Variants in DNM3 observed in about 807,000 individuals in gnomAD.
The protein encoded by DNM3 is dynamin-3.
Under a neutral mutation model 101.6 loss-of-function variants are expected in DNM3, and 47 were observed. The ratio of observed to expected loss-of-function variants is 0.46; its 90% CI spans 0.37 to 0.59. DNM3 has a LOEUF of 0.59. Ranked by LOEUF, DNM3 falls within the 20% of genes least tolerant of loss-of-function variation. DNM3 has a pLI of 0.00. For synonymous variants in DNM3, 385 were observed against 387.9 expected (o/e 0.99, Z 0.09); for missense variants, 849 against 1,085.7 (o/e 0.78, Z 3.06).
At chr1:172,063,238 AATCTTGCCTGGTCTCTTGACCATTTTGAG>A (rs888169049) in intron 10 of DNM3, among the ~76,000 whole-genome samples, 2 of 152,190 alleles carry the variant, frequency 1.3e-5, no homozygotes, top group Non-Finnish European at 2.9e-5. Flanking sequence ...ATGATATGGA[AATCTTGCCTGGTCTCTTGACCATTTTGAG>A]AAAAATGTAC....
intron 19 of DNM3, among the ~76,000 whole-genome samples, chr1:172,387,735 C>T (rs2069277444): frequency 6.6e-6 from 1 of 151,150 alleles, no homozygotes; most frequent in Non-Finnish European, 1.5e-5. Flanking sequence ...TCTGAGAGTG[C>T]TTTCCTAAAC....
intron 13 of DNM3, among the ~76,000 whole-genome samples, chr1:172,119,096 G>A (rs1161955351): frequency 1.3e-5 from 2 of 151,550 alleles, no homozygotes; most frequent in South Asian, 2.1e-4. Context: ...GGGTTCAAGC[G>A]ATTCTTCTGC....
chr1:172,404,824 C>T (rs1379655580), intron 20 of DNM3, among the ~76,000 whole-genome samples: 2 of 152,060 alleles, frequency 1.3e-5, no homozygotes, highest in East Asian at 3.9e-4. Flanking sequence ...AATAAAGCTA[C>T]TTTCATATTT....
intron 14 of DNM3, among the ~76,000 whole-genome samples, chr1:172,225,178 C>T (rs565308768): frequency 6.0e-4 from 66 of 110,188 alleles, no homozygotes; most frequent in African/African-American, 2.1e-3. Flanking sequence ...CTTGCTGTGT[C>T]GCCAGGCTGG....
intron 14 of DNM3, among the ~76,000 whole-genome samples, chr1:172,174,405 T>C (rs1332342582): frequency 6.6e-6 from 1 of 151,634 alleles, no homozygotes; most frequent in Non-Finnish European, 1.5e-5. Flanking sequence ...TTGAAATAAA[T>C]TTGTCCATAA....
At chr1:172,340,709 CT>C (rs2066646981) in intron 17 of DNM3, among the ~76,000 whole-genome samples, 1 of 152,206 alleles carries the variant, frequency 6.6e-6, no homozygotes, top group African/African-American at 2.4e-5. Context: ...ATGGTGTTTT[CT>C]AGATAGACTA....
rs2043160299 is a variant in DNM3, at chr1:171,960,691, G to GGA, written c.236-26964_236-26963insAG. ...GGAGAGCAGTAAAGGATAAAGATAAGGGAGAAATAGGGAATGCTTGGTGGA... is the reference window on the plus strand; with the variant it reads ...GGAGAGCAGTAAAGGATAAAGATAAGGAGGAGAAATAGGGAATGCTTGGTGGA... On this transcript the variant is annotated intron_variant, in intron 2 of 20. Transcript: ENST00000627582. Among the ~76,000 whole-genome samples the GGA allele has an allele frequency of 2.0e-5, 3 of 152,216 alleles. No individual in the cohort carries two copies. The South Asian group carries it at 6.3e-4, about 32-fold the overall frequency.
At chr1:172,370,850 GA>G (rs978579524) in intron 17 of DNM3, among the ~76,000 whole-genome samples, 20 of 152,052 alleles carry the variant, frequency 1.3e-4, no homozygotes, top group African/African-American at 3.9e-4. Flanking sequence ...GAAGGCATTT[GA>G]AAACTGATGA....
intron 17 of DNM3, among the ~76,000 whole-genome samples, chr1:172,339,597 A>G (rs941585786): frequency 2.0e-5 from 3 of 152,188 alleles, no homozygotes; most frequent in Non-Finnish European, 2.9e-5. Flanking sequence ...ATCTTCCCCC[A>G]GCTTGGGGAT....
chr1:172,131,868 A>G, intron 14 of DNM3: 1 of 272,334 alleles, frequency 3.7e-6, no homozygotes, highest in South Asian at 3.3e-5. Context: ...TTCATGTTAG[A>G]TGTTAATAAT....
chr1:172,102,209 G>A (rs1384094759), intron 13 of DNM3, among the ~76,000 whole-genome samples: 1 of 152,010 alleles, frequency 6.6e-6, no homozygotes, highest in East Asian at 1.9e-4. Flanking sequence ...GAATGAGCTC[G>A]GCTTTATAGA....
chr1:171,867,396 C>T (rs10753204), intron 1 of DNM3, among the ~76,000 whole-genome samples: 113,773 of 152,158 alleles, frequency 0.75, 43,224 homozygotes, highest in African/African-American at 0.9. Flanking sequence ...TCAAACCTCA[C>T]ATATTTGGAA....
chr1:171,879,657 G>A (rs1288657826), intron 1 of DNM3, among the ~76,000 whole-genome samples: 1 of 152,180 alleles, frequency 6.6e-6, no homozygotes, highest in Non-Finnish European at 1.5e-5. Flanking sequence ...AGTGGACTGC[G>A]TGCCAGGGGC....
intron 13 of DNM3, among the ~76,000 whole-genome samples, chr1:172,107,010 G>A (rs377348341): frequency 1.0e-3 from 154 of 149,722 alleles, no homozygotes; most frequent in Middle Eastern, 3.4e-3. Flanking sequence ...ACAGGCACCC[G>A]CCACCGCGCC....
intron 1 of DNM3, among the ~76,000 whole-genome samples, chr1:171,849,559 A>T (rs2124985562): frequency 6.6e-6 from 1 of 152,368 alleles, no homozygotes; most frequent in South Asian, 2.1e-4. Flanking sequence ...TTACAGTTGC[A>T]TCAAAATACT....
At chr1:172,192,971 G>A (rs983291263) in intron 14 of DNM3, among the ~76,000 whole-genome samples, 1 of 151,332 alleles carries the variant, frequency 6.6e-6, no homozygotes, top group Non-Finnish European at 1.5e-5. Flanking sequence ...CACAATGGTT[G>A]AACTAGTTTA....
intron 1 of DNM3, among the ~76,000 whole-genome samples, chr1:171,883,532 CGCGATCTCG>C (rs1486754297): frequency 6.6e-6 from 1 of 151,490 alleles, no homozygotes; most frequent in Admixed American, 6.6e-5. Context: ...AGTGTAATAG[CGCGATCTCG>C]GCTCACTGCA....
intron 14 of DNM3, among the ~76,000 whole-genome samples, chr1:172,231,520 T>A (rs2061336555): frequency 6.6e-6 from 1 of 151,944 alleles, no homozygotes; most frequent in South Asian, 2.1e-4. Context: ...AACTGCAAAT[T>A]CTAAAAATCA....
intron 14 of DNM3, among the ~76,000 whole-genome samples, chr1:172,214,199 A>G (rs917947837): frequency 6.6e-6 from 1 of 152,138 alleles, no homozygotes; most frequent in Non-Finnish European, 1.5e-5. Flanking sequence ...TCAAAATTTC[A>G]TGGTAACTTG....
Sources: gnomAD v4.1 joint callset for allele counts (sites outside exome capture counted in the v4.1 genomes callset) on GRCh38, gnomAD v4.1.1 for gene constraint, MANE v1.5 for transcripts, NCBI Gene and HGNC (gene_info 2026-07-23, HGNC 2026-07-21) for gene names.